GUCY1A2: variants seen among roughly 807,000 people sequenced by gnomAD.
The protein encoded by GUCY1A2 is guanylate cyclase 1 soluble subunit alpha 2, also known as guanylate cyclase soluble subunit alpha-2.
Under a neutral mutation model 63.5 loss-of-function variants are expected in GUCY1A2, and 27 were observed. That is an observed-to-expected ratio of 0.43 (90% CI 0.31 to 0.59). The LOEUF (loss-of-function observed/expected upper bound fraction) is 0.59, where lower values mean the gene tolerates loss of function less well. Among genes scored for constraint, GUCY1A2 ranks in the 20% least tolerant of loss-of-function variants. The pLI, the probability that GUCY1A2 is intolerant of heterozygous loss-of-function variation, is 0.11. For missense variants in GUCY1A2, 768 were observed against 913.3 expected (o/e 0.84, Z 2.05); for synonymous variants, 364 against 343.5 (o/e 1.06, Z -0.66).
At chr11:106,897,970 A>G (rs1316169477) in intron 4 of GUCY1A2, among the ~76,000 whole-genome samples, 1 of 152,210 alleles carries the variant, frequency 6.6e-6, no homozygotes, top group Non-Finnish European at 1.5e-5. Flanking sequence ...GTTATTATCC[A>G]AAATAGACAA....
At chr11:106,774,655 A>C (rs1289174338) in intron 6 of GUCY1A2, among the ~76,000 whole-genome samples, 1 of 151,996 alleles carries the variant, frequency 6.6e-6, no homozygotes. Flanking sequence ...TGGAACCTCA[A>C]TTGAATATAT....
At chr11:106,945,540 T>C (rs1157832428) in intron 3 of GUCY1A2, among the ~76,000 whole-genome samples, 1 of 152,236 alleles carries the variant, frequency 6.6e-6, no homozygotes. Flanking sequence ...TGCTTTCTGA[T>C]GTATGTGTAC....
intron 6 of GUCY1A2, among the ~76,000 whole-genome samples, chr11:106,727,907 G>C (rs185208589): frequency 6.6e-6 from 1 of 152,050 alleles, no homozygotes; most frequent in Non-Finnish European, 1.5e-5. Flanking sequence ...CTACCAAATG[G>C]TTCTTTCTAA....
intron 4 of GUCY1A2, among the ~76,000 whole-genome samples, chr11:106,860,427 G>C (rs1473821254): frequency 6.6e-6 from 1 of 151,836 alleles, no homozygotes; most frequent in Non-Finnish European, 1.5e-5. Context: ...TAGAGTTTCT[G>C]TCTTTCAAAT....
intron 5 of GUCY1A2, among the ~76,000 whole-genome samples, chr11:106,779,296 G>C (rs1353924491): frequency 1.3e-5 from 2 of 152,052 alleles, no homozygotes; most frequent in Non-Finnish European, 2.9e-5. Flanking sequence ...TTATTCCAAA[G>C]ACTAAAATAT....
chr11:106,962,681 A>T (rs1861074493), intron 3 of GUCY1A2, among the ~76,000 whole-genome samples: 1 of 151,446 alleles, frequency 6.6e-6, no homozygotes, highest in Admixed American at 6.6e-5. Flanking sequence ...TTTGCTTAAA[A>T]TTTTTAATTT....
At chr11:106,809,342 A>T (rs981164798) in intron 5 of GUCY1A2, among the ~76,000 whole-genome samples, 4 of 152,162 alleles carry the variant, frequency 2.6e-5, no homozygotes, top group African/African-American at 9.6e-5. Context: ...GAGCTAAATG[A>T]CTCAAAATAT....
intron 4 of GUCY1A2, among the ~76,000 whole-genome samples, chr11:106,837,223 C>A (rs1301174343): frequency 6.6e-6 from 1 of 151,142 alleles, no homozygotes; most frequent in Non-Finnish European, 1.5e-5. Context: ...ATTTAGCTTG[C>A]ACTTACAAGT....
intron 4 of GUCY1A2, among the ~76,000 whole-genome samples, chr11:106,896,354 C>CAT (rs1204140541): frequency 1.3e-5 from 2 of 152,112 alleles, no homozygotes; most frequent in African/African-American, 2.4e-5. Flanking sequence ...CTACAGCTAA[C>CAT]ATTATTCTTA....
intron 5 of GUCY1A2, among the ~76,000 whole-genome samples, chr11:106,800,214 C>A (rs1004067210): frequency 6.6e-6 from 1 of 151,984 alleles, no homozygotes; most frequent in Non-Finnish European, 1.5e-5. Context: ...GTTAGAATGG[C>A]GATCATTAAA....
intron 1 of GUCY1A2, among the ~76,000 whole-genome samples, chr11:107,008,342 C>A: frequency 6.6e-6 from 1 of 150,976 alleles, no homozygotes; most frequent in East Asian, 1.9e-4. Context: ...TGCATAAAAC[C>A]TACAGATTAT....
At chr11:106,807,798 A>G (rs1858712064) in intron 5 of GUCY1A2, among the ~76,000 whole-genome samples, 1 of 152,176 alleles carries the variant, frequency 6.6e-6, no homozygotes, top group Non-Finnish European at 1.5e-5. Flanking sequence ...GGAATGTAGA[A>G]GGACTAGACT....
intron 3 of GUCY1A2, among the ~76,000 whole-genome samples, chr11:106,958,701 A>C (rs544640818): frequency 6.6e-6 from 1 of 152,252 alleles, no homozygotes; most frequent in African/African-American, 2.4e-5. Context: ...GGAAATAAGA[A>C]AGCAGTTGAG....
chr11:106,872,012 T>C (rs1859685926), intron 4 of GUCY1A2, among the ~76,000 whole-genome samples: 1 of 152,184 alleles, frequency 6.6e-6, no homozygotes, highest in Non-Finnish European at 1.5e-5. Context: ...TTTGAAATTC[T>C]ACATTTTTAT....
intron 7 of GUCY1A2, among the ~76,000 whole-genome samples, chr11:106,702,863 G>C (rs1354217697): frequency 6.6e-6 from 1 of 152,018 alleles, no homozygotes; most frequent in Non-Finnish European, 1.5e-5. Context: ...GAATATGTTA[G>C]GTCTCATGGT....
At chr11:107,002,209 A>G (rs1268721870) in intron 1 of GUCY1A2, among the ~76,000 whole-genome samples, 5 of 152,084 alleles carry the variant, frequency 3.3e-5, no homozygotes, top group African/African-American at 1.2e-4. Flanking sequence ...CACCTTCCAC[A>G]CTACCTTTCA....
At chr11:107,010,505 T>C (rs1202361865) in intron 1 of GUCY1A2, among the ~76,000 whole-genome samples, 13 of 152,160 alleles carry the variant, frequency 8.5e-5, no homozygotes, top group Non-Finnish European at 1.3e-4. Flanking sequence ...TTCCATCTGC[T>C]CTTTTTGTAA....
Position 106,888,302 on chromosome 11 carries a change from C to CAA in GUCY1A2, c.1206+51156_1206+51157dup, listed in dbSNP as rs35343582. Among the ~76,000 whole-genome samples, 321 of 137,950 alleles carry CAA rather than the reference C, an allele frequency of 2.3e-3. 3 individuals are homozygous for CAA. The highest frequency in any genetic ancestry group is 0.021 in the East Asian group (100 of 4,774). 90.5% of individuals were successfully genotyped at this position (137,950 alleles called of 152,430 possible). On this transcript the variant is annotated intron_variant, in intron 4 of 7. Transcript: ENST00000526355. ...TGAAACCCCCTCTCTACTAAAAATA[C>CAA]AAAAAAAAAAAAATTAGCCGGGCGT...
chr11:106,919,850 C>A (rs1244624371), intron 4 of GUCY1A2, among the ~76,000 whole-genome samples: 1 of 152,118 alleles, frequency 6.6e-6, no homozygotes, highest in South Asian at 2.1e-4. Flanking sequence ...TTCTTAAAAT[C>A]TGAGCTTACT....
Sources: gnomAD v4.1 joint callset for allele counts (sites outside exome capture counted in the v4.1 genomes callset) on GRCh38, gnomAD v4.1.1 for gene constraint, MANE v1.5 for transcripts, NCBI Gene and HGNC (gene_info 2026-07-23, HGNC 2026-07-21) for gene names.